VPS37A: variants seen among roughly 807,000 people sequenced by gnomAD.
The protein encoded by VPS37A is VPS37A subunit of ESCRT-I, also known as vacuolar protein sorting-associated protein 37A.
A neutral mutation model predicts 49.8 loss-of-function variants in VPS37A; 30 were observed. That is an observed-to-expected ratio of 0.60 (90% CI 0.45 to 0.82). The LOEUF (loss-of-function observed/expected upper bound fraction) is 0.82. Ranked by LOEUF, VPS37A falls within the 40% of genes least tolerant of loss-of-function variation. VPS37A has a pLI of 0.00. For synonymous variants in VPS37A, 195 were observed against 160.6 expected (o/e 1.21, Z -1.62); for missense variants, 593 against 464.4 (o/e 1.28, Z -2.55).
At chr8:17,282,459 G>C (rs1448129086) in intron 9 of VPS37A, among the ~76,000 whole-genome samples, 1 of 151,832 alleles carries the variant, frequency 6.6e-6, no homozygotes, top group East Asian at 1.9e-4. Flanking sequence ...TAATAAAACA[G>C]ATATGAGCAT....
chr8:17,323,231 G>C, the VPS37A span, among the ~76,000 whole-genome samples: 1 of 151,956 alleles, frequency 6.6e-6, no homozygotes, highest in African/African-American at 2.4e-5. Flanking sequence ...ACAGGTATGA[G>C]CCACCACACC....
intron 11 of VPS37A, among the ~76,000 whole-genome samples, chr8:17,287,837 C>A (rs941918297): frequency 2.0e-5 from 3 of 152,144 alleles, no homozygotes; most frequent in Non-Finnish European, 2.9e-5. Flanking sequence ...ATCCATCCTA[C>A]TGTAGTCAGT....
Position 17,268,242 on chromosome 8 carries a change from G to C in VPS37A, c.201-16G>C. On this transcript the variant is annotated splice_polypyrimidine_tract_variant and intron_variant, in intron 2 of 11. Transcript: ENST00000324849. Reference sequence around the variant, plus strand: ...TTATCTTTGTTTTTGTTTTTCATCTGTTCTACCTCTACCAGATTGCTTCCT... The same window carrying C: ...TTATCTTTGTTTTTGTTTTTCATCTCTTCTACCTCTACCAGATTGCTTCCT... 6.3e-7 allele frequency: 1 copy of C among 1,577,256 alleles called. No homozygotes were observed. The highest frequency in any genetic ancestry group is 8.7e-7 in the Non-Finnish European group (1 of 1,149,924).
intron 1 of VPS37A, among the ~76,000 whole-genome samples, chr8:17,256,964 G>C (rs1252514755): frequency 6.6e-6 from 1 of 152,074 alleles, no homozygotes; most frequent in East Asian, 1.9e-4. Flanking sequence ...TGCTTTAGAT[G>C]CCTGTGCTTT....
chr8:17,260,587 A>AT (rs1812878773), intron 1 of VPS37A, among the ~76,000 whole-genome samples: 1 of 151,806 alleles, frequency 6.6e-6, no homozygotes, highest in Admixed American at 6.6e-5. Context: ...TTGCACATTA[A>AT]TTTTTTTTCT....
At chr8:17,281,431 T>C (rs1815043037) in intron 9 of VPS37A, among the ~76,000 whole-genome samples, 1 of 152,028 alleles carries the variant, frequency 6.6e-6, no homozygotes, top group South Asian at 2.1e-4. Flanking sequence ...TTAGTAAATG[T>C]TGAAGAAGCT....
chr8:17,262,625 G>A (rs1813062678), intron 1 of VPS37A, among the ~76,000 whole-genome samples: 1 of 151,876 alleles, frequency 6.6e-6, no homozygotes, highest in Non-Finnish European at 1.5e-5. Context: ...TAGTACCACT[G>A]TCAGTATAAA....
chr8:17,280,378 G>A lies in VPS37A; in HGVS notation c.904G>A (p.Glu302Lys). The A allele has an allele frequency of 6.2e-7, 1 of 1,608,996 alleles. No homozygotes were observed. The highest frequency in any genetic ancestry group is 8.5e-7 in the Non-Finnish European group (1 of 1,178,350). Residue 302 changes from glutamate (E) to lysine (K), a missense_variant, in exon 9 of 12, where the codon GAA (glutamate) becomes AAA (lysine). By Grantham distance (56) the Glu-to-Lys change is moderately conservative. Coordinates refer to ENST00000324849, the MANE Select transcript of VPS37A (RefSeq NM_152415.3). The stretch of plus-strand genomic sequence containing the variant: ...ACCTTTTCATTTTCTCTTTTAGTAT[G>A]AATTACTTACACAGATGAAGTCCAC... Reference protein sequence around the residue: ...AKRQTVLDKYELLTQMKSTFE... With the variant: ...AKRQTVLDKYKLLTQMKSTFE...
At chr8:17,294,045 C>T (rs1053036812) in intron 11 of VPS37A, among the ~76,000 whole-genome samples, 11 of 152,322 alleles carry the variant, frequency 7.2e-5, no homozygotes, top group African/African-American at 2.6e-4. Context: ...GTGCAAGCTG[C>T]GCCCACAGCC....
chr8:17,261,712 A>G (rs1812978956), intron 1 of VPS37A, among the ~76,000 whole-genome samples: 1 of 152,186 alleles, frequency 6.6e-6, no homozygotes, highest in South Asian at 2.1e-4. Flanking sequence ...AAGTACCTGG[A>G]GCAGTGCCCA....
intron 6 of VPS37A, among the ~76,000 whole-genome samples, chr8:17,278,877 CTTTATT>C (rs1814768865): frequency 6.6e-6 from 1 of 151,812 alleles, no homozygotes; most frequent in Admixed American, 6.6e-5. Flanking sequence ...TTCTTTTCTT[CTTTATT>C]TTTAAATTAT....
At position 17,274,801 on chromosome 8, in the gene VPS37A, C is replaced by G; in HGVS notation, c.485C>G (p.Pro162Arg). 6.2e-7 allele frequency: 1 copy of G among 1,614,132 alleles called. No individual in the cohort carries two copies. Among genetic ancestry groups the G allele is most frequent in the Non-Finnish European group, 8.5e-7 (1 of 1,180,016 alleles). ...GGTTTTCCATTTCTTCCTCCATATC[C>G]TCCACAAGAAGCAAACAGGAGTATC... ...SQGFPFLPPY[P>R]PQEANRSITS... Residue 162 changes from proline (P) to arginine (R), a missense_variant, in exon 5 of 12, where the codon CCT becomes CGT. Coordinates refer to ENST00000324849, the MANE Select transcript of VPS37A (RefSeq NM_152415.3).
At chr8:17,306,037 A>C, downstream of VPS37A, 1 of 1,109,844 alleles carries the variant, frequency 9.0e-7, no homozygotes. Context: ...AACAACCATA[A>C]AAGCAACCCT....
intron 1 of VPS37A, among the ~76,000 whole-genome samples, chr8:17,251,600 T>C (rs774053191): frequency 6.6e-6 from 1 of 152,242 alleles, no homozygotes; most frequent in Non-Finnish European, 1.5e-5. Context: ...GAACTACTTC[T>C]GACTTTCCAT....
downstream of VPS37A, chr8:17,301,918 G>A: frequency 2.3e-6 from 1 of 442,792 alleles, no homozygotes; most frequent in Non-Finnish European, 3.9e-6. Flanking sequence ...CTAAAATAAG[G>A]AACAACCAAA....
intron 1 of VPS37A, among the ~76,000 whole-genome samples, chr8:17,256,615 C>G (rs1812486153): frequency 6.8e-6 from 1 of 146,454 alleles, no homozygotes; most frequent in Non-Finnish European, 1.5e-5. Flanking sequence ...GTTGATTGTT[C>G]CTTCGCTGTG....
intron 1 of VPS37A, among the ~76,000 whole-genome samples, chr8:17,260,309 CAAAGA>C (rs1489692185): frequency 1.3e-5 from 2 of 152,076 alleles, no homozygotes; most frequent in African/African-American, 2.4e-5. Context: ...ACTTAGATCA[CAAAGA>C]AAAGAACAGA....
chr8:17,254,772 T>C lies in VPS37A; in HGVS notation c.125+7403T>C, dbSNP rs1386033753. ...TTTTTAAAAATCTGTTTTGTACTTC[T>C]ATCAAAACATCACAAGTACCCCATA... On this transcript the variant is annotated intron_variant, in intron 1 of 11. Transcript: ENST00000324849. 2.0e-5 allele frequency among the ~76,000 whole-genome samples: 3 copies of C among 152,190 alleles called. No individual in the cohort carries two copies. In the East Asian group the frequency reaches 5.8e-4, roughly 29 times the overall value.
At chr8:17,258,792 A>G (rs950050498) in intron 1 of VPS37A, among the ~76,000 whole-genome samples, 2 of 151,960 alleles carry the variant, frequency 1.3e-5, no homozygotes, top group Admixed American at 6.6e-5. Flanking sequence ...TAATCTCATT[A>G]TTATTGGCTT....
Sources: allele counts gnomAD v4.1 joint callset (sites outside exome capture counted in the v4.1 genomes callset), GRCh38; gene constraint gnomAD v4.1.1; transcripts MANE v1.5; gene names NCBI Gene and HGNC (gene_info 2026-07-23, HGNC 2026-07-21).